Variants in PARD3B observed in about 807,000 individuals in gnomAD.
PARD3B encodes par-3 family cell polarity regulator beta.
PARD3B carries 103 observed loss-of-function variants against 130.2 expected under a neutral mutation model. That is an observed-to-expected ratio of 0.79 (90% CI 0.67 to 0.93). The LOEUF (loss-of-function observed/expected upper bound fraction) is 0.93. Among genes scored for constraint, PARD3B ranks in the 40% least tolerant of loss-of-function variants. The pLI, the probability that PARD3B is intolerant of heterozygous loss-of-function variation, is 0.00. For missense variants in PARD3B, 1,609 were observed against 1,499.2 expected (o/e 1.07, Z -1.21); for synonymous variants, 583 against 553.2 (o/e 1.05, Z -0.76).
At chr2:204,646,406 C>G (rs2035275796) in intron 1 of PARD3B, among the ~76,000 whole-genome samples, 1 of 152,106 alleles carries the variant, frequency 6.6e-6, no homozygotes, top group Non-Finnish European at 1.5e-5. Flanking sequence ...AGTGTTGTGT[C>G]TGAATGCTTT....
chr2:204,558,597 C>T (rs569320969), intron 1 of PARD3B, among the ~76,000 whole-genome samples: 11 of 152,224 alleles, frequency 7.2e-5, no homozygotes, highest in African/African-American at 1.9e-4. Context: ...GAATCAATAT[C>T]GTGAAAATGG....
chr2:205,066,036 G>C (rs1344803806), intron 4 of PARD3B, among the ~76,000 whole-genome samples: 1 of 152,036 alleles, frequency 6.6e-6, no homozygotes, highest in Non-Finnish European at 1.5e-5. Flanking sequence ...AGGGAATTTT[G>C]TCTCATATAG....
chr2:204,873,582 C>A (rs2045721059), intron 2 of PARD3B, among the ~76,000 whole-genome samples: 1 of 152,110 alleles, frequency 6.6e-6, no homozygotes, highest in South Asian at 2.1e-4. Flanking sequence ...CCATAGAATA[C>A]AAATGCTTTT....
intron 1 of PARD3B, among the ~76,000 whole-genome samples, chr2:204,574,295 A>G (rs1559163883): frequency 6.6e-6 from 1 of 152,124 alleles, no homozygotes; most frequent in Non-Finnish European, 1.5e-5. Flanking sequence ...AATTATGACA[A>G]AGTTTTCTTT....
intron 3 of PARD3B, among the ~76,000 whole-genome samples, chr2:205,016,512 T>C (rs1296743898): frequency 2.0e-5 from 3 of 152,176 alleles, no homozygotes; most frequent in Non-Finnish European, 4.4e-5. Context: ...TTTTTAGATA[T>C]GACTTTACCC....
chr2:204,866,445 A>G (rs1466894102), intron 2 of PARD3B, among the ~76,000 whole-genome samples: 3 of 152,216 alleles, frequency 2.0e-5, no homozygotes, highest in Non-Finnish European at 4.4e-5. Flanking sequence ...AGCCATGTTT[A>G]CATACACAAA....
In PARD3B at chr2:204,943,102, T is replaced by C. The variant is rs779119770; in HGVS notation, c.223-22050T>C. Among the ~76,000 whole-genome samples, 5 of 151,048 alleles carry C rather than the reference T, an allele frequency of 3.3e-5. No homozygotes were observed. Among genetic ancestry groups the C allele is most frequent in the Non-Finnish European group, 5.9e-5 (4 of 68,012 alleles). On this transcript the variant is annotated intron_variant, in intron 2 of 22. Transcript: ENST00000406610. The surrounding 1 kb of genome is among the most constrained non-coding windows in gnomAD (Gnocchi z 4.2). ...AGACTTTGTGTAAATACACCTCTTT[T>C]TAAAATTACCCCTGACTTAAGAAAG...
chr2:205,504,154 A>T (rs946483405), intron 21 of PARD3B, among the ~76,000 whole-genome samples: 3 of 152,238 alleles, frequency 2.0e-5, no homozygotes, highest in Non-Finnish European at 2.9e-5. Flanking sequence ...ATAATTCCCT[A>T]TTTAATAAAT....
chr2:204,741,978 G>A (rs1180166231), intron 2 of PARD3B, among the ~76,000 whole-genome samples: 1 of 152,062 alleles, frequency 6.6e-6, no homozygotes, highest in African/African-American at 2.4e-5. Context: ...AGTATTACCT[G>A]GGAACTTACT....
At chr2:204,614,630 G>A (rs1487772540) in intron 1 of PARD3B, among the ~76,000 whole-genome samples, 2 of 152,154 alleles carry the variant, frequency 1.3e-5, no homozygotes, top group African/African-American at 4.8e-5. Flanking sequence ...CCCATTGTTG[G>A]AGGTGGGGCC....
At position 205,187,093 on chromosome 2, in the gene PARD3B, A is replaced by G. The variant is rs1460939235; in HGVS notation, c.2024+1230A>G. 6.6e-6 allele frequency among the ~76,000 whole-genome samples: 1 copy of G among 152,218 alleles called. No homozygotes were observed. The highest frequency in any genetic ancestry group is 2.4e-5 in the African/African-American group (1 of 41,466). ...AAGTGATATTTACCAGAAGGTATAG[A>G]TAAAATGCTCTGAGCATCTGAGGCA... On this transcript the variant is annotated intron_variant, in intron 14 of 22. Transcript: ENST00000406610. This position sits in a 1 kb window ranked among gnomAD's most constrained non-coding sequence, Gnocchi z 4.9.
chr2:204,855,793 G>A (rs2044910304), intron 2 of PARD3B, among the ~76,000 whole-genome samples: 1 of 151,916 alleles, frequency 6.6e-6, no homozygotes, highest in South Asian at 2.1e-4. Context: ...ATGTGAGTGA[G>A]ATCATGTGGT....
chr2:205,105,763 C>T lies in PARD3B; in HGVS notation c.593+1249C>T, dbSNP rs1703158708. Among the ~76,000 whole-genome samples the T allele has an allele frequency of 1.3e-5, 2 of 150,702 alleles. No individual in the cohort carries two copies. Among genetic ancestry groups the T allele is most frequent in the African/African-American group, 2.4e-5 (1 of 41,038 alleles). On this transcript the variant is annotated intron_variant, in intron 5 of 22. Coordinates refer to ENST00000406610, the MANE Select transcript of PARD3B (RefSeq NM_001302769.2). This position sits in a 1 kb window ranked among gnomAD's most constrained non-coding sequence, Gnocchi z 4.0. ...GTCCATCTTGCAACATAGGGAGACC[C>T]TCTCTCTCTCTGAAGAAAAAAAAAA...
intron 21 of PARD3B, among the ~76,000 whole-genome samples, chr2:205,515,229 T>C (rs2050746868): frequency 6.6e-6 from 1 of 152,238 alleles, no homozygotes; most frequent in Non-Finnish European, 1.5e-5. Flanking sequence ...CACGTTATCT[T>C]TATCCAATCT....
At chr2:204,696,505 C>G (rs1175226038) in intron 2 of PARD3B, among the ~76,000 whole-genome samples, 1 of 152,028 alleles carries the variant, frequency 6.6e-6, no homozygotes, top group Non-Finnish European at 1.5e-5. Flanking sequence ...GTGAATCCAA[C>G]AAGACGTTTT....
intron 2 of PARD3B, among the ~76,000 whole-genome samples, chr2:204,728,180 C>T (rs189434991): frequency 3.3e-5 from 5 of 152,216 alleles, no homozygotes; most frequent in South Asian, 2.1e-4. Flanking sequence ...TCAATGAGTT[C>T]GGAAGACGGG....
At chr2:204,753,133 A>T (rs1463896369) in intron 2 of PARD3B, among the ~76,000 whole-genome samples, 1 of 152,150 alleles carries the variant, frequency 6.6e-6, no homozygotes, top group Non-Finnish European at 1.5e-5. Context: ...CACTCAGACC[A>T]TTGGCTTATT....
At chr2:204,680,217 A>G (rs2036761879) in intron 1 of PARD3B, among the ~76,000 whole-genome samples, 1 of 152,070 alleles carries the variant, frequency 6.6e-6, no homozygotes. Flanking sequence ...TTGAAGAAAC[A>G]TTTGGAAGGT....
chr2:205,090,522 C>T (rs1702039057), intron 4 of PARD3B, among the ~76,000 whole-genome samples: 2 of 152,110 alleles, frequency 1.3e-5, no homozygotes, highest in Non-Finnish European at 2.9e-5. Flanking sequence ...GAGTGCTGGC[C>T]CACATTCCTC....
Sources: allele counts gnomAD v4.1 joint callset (sites outside exome capture counted in the v4.1 genomes callset), GRCh38; gene constraint gnomAD v4.1.1; non-coding constraint Gnocchi (gnomAD v3.1); transcripts MANE v1.5; gene names NCBI Gene and HGNC (gene_info 2026-07-23, HGNC 2026-07-21).